Variants in ATXN1 observed in about 807,000 individuals in gnomAD.
The protein encoded by ATXN1 is ataxin-1.
A neutral mutation model predicts 56.4 loss-of-function variants in ATXN1; 8 were observed. The observed-to-expected ratio is 0.14, with a 90% confidence interval of 0.08 to 0.26. The LOEUF (loss-of-function observed/expected upper bound fraction) is 0.26, where lower values mean the gene tolerates loss of function less well. ATXN1 is among the 10% of genes least tolerant of loss of function. The pLI, the probability that ATXN1 is intolerant of heterozygous loss-of-function variation, is 1.00. For missense variants in ATXN1, 987 were observed against 1,106.5 expected, an observed-to-expected ratio of 0.89 and a Z score of 1.53; for synonymous variants, 514 against 494.6, an observed-to-expected ratio of 1.04 and a Z score of -0.52.
At chr6:16,528,312 A>G (rs1314656645) in intron 4 of ATXN1, among the ~76,000 whole-genome samples, 4 of 151,998 alleles carry the variant, frequency 2.6e-5, no homozygotes, top group African/African-American at 9.7e-5. Flanking sequence ...AAAAAAAAAA[A>G]AAAAAGAAAA....
intron 6 of ATXN1, among the ~76,000 whole-genome samples, chr6:16,386,288 C>T (rs1410973141): frequency 6.6e-6 from 1 of 152,210 alleles, no homozygotes; most frequent in Non-Finnish European, 1.5e-5. Context: ...AGATCTACAT[C>T]GCGTTCTCTG....
rs368464973 is a variant in ATXN1, at chr6:16,327,531, G to A, written c.780C>T (p.Thr260=). The part of the protein sequence containing the change: ...ISSSPQNTGR[T]ASPPAIPVHL... ...GGACGGGGATGGCCGGAGGAGAGGC[G>A]GTGCGGCCGGTGTTCTGCGGAGAAC... The change falls in exon 7 of 8, where the codon ACC becomes ACT. Residue 260 remains threonine (T), a synonymous_variant. Transcript: ENST00000436367. 9.3e-6 allele frequency: 15 copies of A among 1,610,474 alleles called. No homozygotes were observed. The East Asian group carries it at 1.3e-4, about 14-fold the overall frequency.
intron 3 of ATXN1, among the ~76,000 whole-genome samples, chr6:16,602,574 C>A (rs2113781690): frequency 6.6e-6 from 1 of 152,168 alleles, no homozygotes; most frequent in South Asian, 2.1e-4. Context: ...GCCTCAGCCT[C>A]CCAAGTAGCT....
chr6:16,750,751 T>C (rs1386961647), intron 2 of ATXN1, among the ~76,000 whole-genome samples: 1 of 152,158 alleles, frequency 6.6e-6, no homozygotes, highest in Non-Finnish European at 1.5e-5. Context: ...TTTTTCACAA[T>C]AAAATTCTTG....
rs1295842955 is a variant in ATXN1, at chr6:16,327,084, G to A, written c.1227C>T (p.Thr409=). The A allele has an allele frequency of 1.2e-6, 2 of 1,613,878 alleles. No individual in the cohort carries two copies. The highest frequency in any genetic ancestry group is 1.7e-5 in the Admixed American group (1 of 60,028). Reference sequence around the variant, plus strand: ...AATGCAGGCCACTTTTGTCGTTGAGGGTAGAAGGGGAGGCTTCACGATGAG... The same window carrying A: ...AATGCAGGCCACTTTTGTCGTTGAGAGTAGAAGGGGAGGCTTCACGATGAG... ...QATHREASPS[T]LNDKSGLHLG... Residue 409 remains threonine (T), a synonymous_variant, in exon 7 of 8, where the codon ACC becomes ACT. Coordinates refer to ENST00000436367, the MANE Select transcript of ATXN1 (RefSeq NM_001128164.2).
At chr6:16,559,058 G>A (rs1762066873) in intron 4 of ATXN1, among the ~76,000 whole-genome samples, 2 of 152,186 alleles carry the variant, frequency 1.3e-5, no homozygotes, top group African/African-American at 4.8e-5. Context: ...TATAATAACA[G>A]AAACCCATAT....
chr6:16,436,270 A>G (rs9885624), intron 6 of ATXN1, among the ~76,000 whole-genome samples: 1,879 of 152,278 alleles, frequency 0.012, 33 homozygotes, highest in African/African-American at 0.043. Flanking sequence ...ATAAATGCTA[A>G]TTTTATATTA....
intron 3 of ATXN1, among the ~76,000 whole-genome samples, chr6:16,635,958 G>A (rs896481431): frequency 3.3e-5 from 5 of 152,130 alleles, no homozygotes; most frequent in African/African-American, 1.2e-4. Flanking sequence ...TCAAGGTTCC[G>A]GTTTCCCCAG....
chr6:16,429,291 G>A (rs1759226054), intron 6 of ATXN1, among the ~76,000 whole-genome samples: 1 of 150,464 alleles, frequency 6.6e-6, no homozygotes, highest in South Asian at 2.1e-4. Flanking sequence ...TGACTGTAGA[G>A]ACCCCAAGTT....
intron 6 of ATXN1, among the ~76,000 whole-genome samples, chr6:16,402,269 T>G (rs1025186451): frequency 1.5e-4 from 21 of 140,108 alleles, no homozygotes; most frequent in African/African-American, 2.7e-4. Context: ...TTTTTTTTTT[T>G]TTTTTTTTTT....
rs146049481 is a variant in ATXN1, at chr6:16,557,749, A to G, written c.-361+28031T>C. Among the ~76,000 whole-genome samples, 533 of 152,344 alleles carry G rather than the reference A, an allele frequency of 3.5e-3. 3 individuals are homozygous for G. The highest frequency in any genetic ancestry group is 0.012 in the African/African-American group (496 of 41,584). ...GTGTCACTGCACTTTAGTGGGAGGA[A>G]GGACTTCCAATAATTGGACGGCCAC... is the stretch of plus-strand genomic sequence containing the variant. On this transcript the variant is annotated intron_variant, in intron 4 of 7. Coordinates refer to ENST00000436367, the MANE Select transcript of ATXN1 (RefSeq NM_001128164.2).
At chr6:16,538,701 C>A (rs78264267) in intron 4 of ATXN1, among the ~76,000 whole-genome samples, 5,018 of 150,526 alleles carry the variant, frequency 0.033, 277 homozygotes, top group African/African-American at 0.11. Context: ...TTTGTCCTTG[C>A]GATTGAGATA....
chr6:16,691,576 T>C (rs1369596957), intron 2 of ATXN1, among the ~76,000 whole-genome samples: 10 of 152,228 alleles, frequency 6.6e-5, no homozygotes, highest in Admixed American at 6.5e-4. Flanking sequence ...TAAGCCAGCA[T>C]AGTTCCTGAG....
At chr6:16,365,609 T>C (rs1436197861) in intron 6 of ATXN1, among the ~76,000 whole-genome samples, 1 of 152,222 alleles carries the variant, frequency 6.6e-6, no homozygotes, top group African/African-American at 2.4e-5. Context: ...CATAACCAAA[T>C]AGAAAATCTC....
At chr6:16,435,727 C>T (rs568647568) in intron 6 of ATXN1, among the ~76,000 whole-genome samples, 43 of 152,162 alleles carry the variant, frequency 2.8e-4, no homozygotes, top group African/African-American at 9.4e-4. Flanking sequence ...CATCTCCTAG[C>T]GGAGGCGGTA....
chr6:16,497,261 T>C (rs1401107495), intron 5 of ATXN1, among the ~76,000 whole-genome samples: 1 of 151,908 alleles, frequency 6.6e-6, no homozygotes, highest in African/African-American at 2.4e-5. Flanking sequence ...GATTGCAGCA[T>C]TCCTCCCATC....
rs1433378905 is a variant in ATXN1, at chr6:16,687,237, T to TG, written c.-614-29337_-614-29336insC. On this transcript the variant is annotated intron_variant, in intron 2 of 7. Coordinates refer to ENST00000436367, the MANE Select transcript of ATXN1 (RefSeq NM_001128164.2). ...CTCTCCAAAATTAAACTTTCGACTTTCGTGATGAGAAAATTTCCACAAGGG... is the reference window on the plus strand; with the variant it reads ...CTCTCCAAAATTAAACTTTCGACTTTGCGTGATGAGAAAATTTCCACAAGGG... Among the ~76,000 whole-genome samples the TG allele has an allele frequency of 2.6e-5, 4 of 152,316 alleles. No individual in the cohort carries two copies. In the East Asian group the frequency reaches 5.8e-4, roughly 22 times the overall value.
At chr6:16,630,174 T>G (rs550838415) in intron 3 of ATXN1, among the ~76,000 whole-genome samples, 212 of 152,302 alleles carry the variant, frequency 1.4e-3, no homozygotes, top group African/African-American at 4.7e-3. Flanking sequence ...GGCATTCCCT[T>G]GGGTGCCCTC....
Position 16,300,256 on chromosome 6 carries a change from T to C in ATXN1, c.*6073A>G, listed in dbSNP as rs551459254. 6.5e-6 allele frequency: 1 copy of C among 152,756 alleles called. No homozygotes were observed. Among genetic ancestry groups the C allele is most frequent in the South Asian group, 2.1e-4 (1 of 4,822 alleles). 9.5% of individuals were successfully genotyped at this position (152,756 alleles called of 1,614,324 possible). A position where few individuals can be genotyped will look rare whatever the true frequency, so the allele number is the denominator to read the frequency against. On this transcript the variant is annotated 3_prime_UTR_variant, in exon 8 of 8. Coordinates refer to ENST00000436367, the MANE Select transcript of ATXN1 (RefSeq NM_001128164.2). ...AGTTATGGAAATTCTTAGAGATTGT[T>C]GTTATTGTATAGATACTACCTATTG...
Sources: gnomAD v4.1 joint callset for allele counts (sites outside exome capture counted in the v4.1 genomes callset) on GRCh38, gnomAD v4.1.1 for gene constraint, MANE v1.5 for transcripts, NCBI Gene and HGNC (gene_info 2026-07-23, HGNC 2026-07-21) for gene names.